The following CNR1 variants were observed in gnomAD, a reference collection of about 807,000 sequenced individuals.
CNR1 encodes the protein cannabinoid receptor 1 (brain).
A neutral mutation model predicts 23.0 loss-of-function variants in CNR1; 10 were observed. The ratio of observed to expected loss-of-function variants is 0.43; its 90% CI spans 0.27 to 0.74. The LOEUF (loss-of-function observed/expected upper bound fraction) is 0.74. Among genes scored for constraint, CNR1 ranks in the 30% least tolerant of loss-of-function variants. The pLI, the probability that CNR1 is intolerant of heterozygous loss-of-function variation, is 0.19. For missense variants in CNR1, 422 were observed against 618.8 expected (o/e 0.68, Z 3.37); for synonymous variants, 271 against 255.2 (o/e 1.06, Z -0.59).
intron 1 of CNR1, among the ~76,000 whole-genome samples, chr6:88,157,707 A>G (rs903190254): frequency 1.3e-5 from 2 of 152,194 alleles, no homozygotes; most frequent in Non-Finnish European, 2.9e-5. Flanking sequence ...CCCACAATCA[A>G]TATTAATAAC....
intron 1 of CNR1, among the ~76,000 whole-genome samples, chr6:88,147,108 T>C (rs1582335076): frequency 6.6e-6 from 1 of 152,026 alleles, no homozygotes. Context: ...CTGGCCAACA[T>C]GGTGAAACCC....
At chr6:88,167,010 C>T (rs1447363108), upstream of CNR1, among the ~76,000 whole-genome samples, 2 of 151,066 alleles carry the variant, frequency 1.3e-5, no homozygotes, top group South Asian at 2.1e-4. Flanking sequence ...CTCGGGGCGC[C>T]GCCCAGCTTC....
At chr6:88,159,054 T>C (rs1012766527) in intron 1 of CNR1, among the ~76,000 whole-genome samples, 1 of 152,178 alleles carries the variant, frequency 6.6e-6, no homozygotes, top group Non-Finnish European at 1.5e-5. Flanking sequence ...TACACAGATA[T>C]ATATTAAGAA....
At chr6:88,162,638 T>A (rs1778164834) in intron 1 of CNR1, among the ~76,000 whole-genome samples, 1 of 152,224 alleles carries the variant, frequency 6.6e-6, no homozygotes, top group Admixed American at 6.5e-5. Flanking sequence ...AACTGGAGAT[T>A]CAGGGAAGAA....
Position 88,144,732 on chromosome 6 carries a change from G to A in CNR1, c.543C>T (p.His181=). Residue 181 remains histidine, a synonymous_variant, in exon 2 of 2, where the codon CAC becomes CAT. Coordinates refer to ENST00000369501, the MANE Select transcript of CNR1 (RefSeq NM_016083.6). This position sits in a 1 kb window ranked among gnomAD's most constrained non-coding sequence, Gnocchi z 7.8. Reference sequence around the variant, plus strand: ...GAAACACGTTGCGGCTATCTTTGCGGTGGAACACGTGGAAGTCAATGAAGC... The same window carrying A: ...GAAACACGTTGCGGCTATCTTTGCGATGGAACACGTGGAAGTCAATGAAGC... The part of the protein sequence containing the change: ...VYSFIDFHVF[H]RKDSRNVFLF... 1 of 1,614,190 alleles carries A rather than the reference G, an allele frequency of 6.2e-7. No individual in the cohort carries two copies. Among genetic ancestry groups the A allele is most frequent in the Non-Finnish European group, 8.5e-7 (1 of 1,180,040 alleles).
chr6:88,158,949 A>C (rs986091908), intron 1 of CNR1, among the ~76,000 whole-genome samples: 1 of 152,194 alleles, frequency 6.6e-6, no homozygotes, highest in Non-Finnish European at 1.5e-5. Flanking sequence ...TTTAGTCTAC[A>C]ATCCAGGGCT....
chr6:88,145,136 T>A lies in CNR1; in HGVS notation c.139A>T (p.Lys47Ter), dbSNP rs539677123. Residue 47 changes from lysine (K) to a stop codon, truncating the protein, a stop_gained, in exon 2 of 2, where the codon AAA becomes TAA. Coordinates refer to ENST00000369501, the MANE Select transcript of CNR1 (RefSeq NM_016083.6). LOFTEE classifies it high-confidence loss of function. ...MASKLGYFPQ[K>*]FPLTSFRGSP... The stretch of plus-strand genomic sequence containing the variant: ...CCCCTAAAGGAAGTTAAAGGGAATT[T>A]CTGTGGGAAGTACCCTAATTTGGAT... 16 of 1,614,090 alleles carry A rather than the reference T, an allele frequency of 9.9e-6. No homozygotes were observed. The highest frequency in any genetic ancestry group is 1.4e-5 in the Non-Finnish European group (16 of 1,180,048).
In CNR1 at chr6:88,141,158, G is replaced by C. The variant is rs756193234; in HGVS notation, c.*2698C>G. ...ATCTAATTATGGGGTTAATTAATGAGTGATATTAACAAATGGTAATTCTAA... is the reference window on the plus strand; with the variant it reads ...ATCTAATTATGGGGTTAATTAATGACTGATATTAACAAATGGTAATTCTAA... On this transcript the variant is annotated 3_prime_UTR_variant, in exon 2 of 2. Transcript: ENST00000369501. 12 of 152,530 alleles carry C rather than the reference G, an allele frequency of 7.9e-5. No individual in the cohort carries two copies. The highest frequency in any genetic ancestry group is 1.5e-4 in the Non-Finnish European group (10 of 68,034). 9.4% of individuals were successfully genotyped at this position (152,530 alleles called of 1,614,324 possible).
chr6:88,156,890 A>G (rs953372783), intron 1 of CNR1, among the ~76,000 whole-genome samples: 14 of 152,238 alleles, frequency 9.2e-5, no homozygotes, highest in African/African-American at 3.4e-4. Flanking sequence ...ACAAACAACC[A>G]TCTGAAAAAG....
intron 1 of CNR1, among the ~76,000 whole-genome samples, chr6:88,156,286 G>C (rs1264810485): frequency 6.6e-6 from 1 of 152,020 alleles, no homozygotes; most frequent in Non-Finnish European, 1.5e-5. Flanking sequence ...ATTTTTATTG[G>C]GCATACAGTC....
At chr6:88,156,441 C>T (rs779883657) in intron 1 of CNR1, among the ~76,000 whole-genome samples, 85 of 152,222 alleles carry the variant, frequency 5.6e-4, no homozygotes, top group Admixed American at 7.2e-4. Flanking sequence ...CCCTCCACCC[C>T]TCCACCTCGA....
intron 1 of CNR1, among the ~76,000 whole-genome samples, chr6:88,153,710 T>C (rs1291313220): frequency 6.6e-6 from 1 of 152,232 alleles, no homozygotes; most frequent in Non-Finnish European, 1.5e-5. Context: ...TTCTACTAAT[T>C]TGATCAAGAA....
At chr6:88,151,999 G>A (rs75719339) in intron 1 of CNR1, among the ~76,000 whole-genome samples, 4,108 of 152,174 alleles carry the variant, frequency 0.027, 82 homozygotes, top group Non-Finnish European at 0.041. Context: ...AAGTTTCTCA[G>A]ACTCCACAGT....
At chr6:88,151,648 T>C (rs1404492562) in intron 1 of CNR1, among the ~76,000 whole-genome samples, 2 of 151,610 alleles carry the variant, frequency 1.3e-5, no homozygotes, top group Non-Finnish European at 2.9e-5. Context: ...CTATATACTA[T>C]ATACTAATTA....
At position 88,144,343 on chromosome 6, in the gene CNR1, C is replaced by A. The variant is rs777110971; in HGVS notation, c.932G>T (p.Arg311Leu). Residue 311 changes from arginine (R) to leucine (L), a missense_variant, in exon 2 of 2, where the codon CGT (arginine) becomes CTT (leucine). Transcript: ENST00000369501. This position sits in a 1 kb window ranked among gnomAD's most constrained non-coding sequence, Gnocchi z 7.8. ...GATGATGATGCTCTTCTGGGTGCCA[C>A]GCTGAATCATGCGGACGGCGTGGCT... ...AHSHAVRMIQ[R>L]GTQKSIIIHT... 6.2e-7 allele frequency: 1 copy of A among 1,613,638 alleles called. No homozygotes were observed. Among genetic ancestry groups the A allele is most frequent in the Non-Finnish European group, 8.5e-7 (1 of 1,180,026 alleles).
At position 88,142,183 on chromosome 6, in the gene CNR1, G is replaced by A. The variant is rs982417046; in HGVS notation, c.*1673C>T. The A allele has an allele frequency of 1.3e-5, 2 of 152,286 alleles. No homozygotes were observed. The highest frequency in any genetic ancestry group is 3.7e-4 in the East Asian group (2 of 5,340). 9.4% of individuals were successfully genotyped at this position (152,286 alleles called of 1,614,324 possible). A position where few individuals can be genotyped will look rare whatever the true frequency, so the allele number is the denominator to read the frequency against. On this transcript the variant is annotated 3_prime_UTR_variant, in exon 2 of 2. Transcript: ENST00000369501. ...AGCTGGGTGCTCAGCTGTCACCAAG[G>A]GCATGTGGGCAAAGCACAGATACAG...
chr6:88,156,478 T>G (rs1438220470), intron 1 of CNR1, among the ~76,000 whole-genome samples: 1 of 152,208 alleles, frequency 6.6e-6, no homozygotes, highest in Admixed American at 6.5e-5. Context: ...TGTCTTCCTT[T>G]TCCTAGTTGA....
Position 88,143,560 on chromosome 6 carries a change from G to A in CNR1, c.*296C>T. 3.5e-6 allele frequency: 1 copy of A among 287,172 alleles called. No homozygotes were observed. Among genetic ancestry groups the A allele is most frequent in the Non-Finnish European group, 6.5e-6 (1 of 153,964 alleles). The allele number at this position is 287,172 out of a possible 1,614,324, so 17.8% of individuals were successfully genotyped here. On this transcript the variant is annotated 3_prime_UTR_variant, in exon 2 of 2. Coordinates refer to ENST00000369501, the MANE Select transcript of CNR1 (RefSeq NM_016083.6). ...ATTCATTTGATGGCATTTTTCCATG[G>A]GTTCTTAGACTTCCAATTGTGTAGC...
chr6:88,146,835 A>G (rs2127832860), intron 1 of CNR1, among the ~76,000 whole-genome samples: 1 of 152,348 alleles, frequency 6.6e-6, no homozygotes, highest in Non-Finnish European at 1.5e-5. Flanking sequence ...AACAAATTTT[A>G]AAAATGTTGA....
Sources: allele counts gnomAD v4.1 joint callset (sites outside exome capture counted in the v4.1 genomes callset), GRCh38; gene constraint gnomAD v4.1.1; non-coding constraint Gnocchi (gnomAD v3.1); transcripts MANE v1.5; gene names NCBI Gene and HGNC (gene_info 2026-07-23, HGNC 2026-07-21).